Variants in NETO1 observed in about 807,000 individuals in gnomAD.
NETO1 encodes the protein neuropilin and tolloid like 1, also known as neuropilin and tolloid-like protein 1.
NETO1 carries 26 observed loss-of-function variants against 61.3 expected under a neutral mutation model. The ratio of observed to expected loss-of-function variants is 0.42; its 90% confidence interval spans 0.31 to 0.59. The LOEUF (loss-of-function observed/expected upper bound fraction) is 0.59. Among genes scored for constraint, NETO1 ranks in the 20% least tolerant of loss-of-function variants. The pLI, the probability that NETO1 is intolerant of heterozygous loss-of-function variation, is 0.12. For missense variants in NETO1, 531 were observed against 662.8 expected (o/e 0.80, Z 2.18); for synonymous variants, 225 against 225.8 (o/e 1.00, Z 0.03).
chr18:72,856,382 A>T (rs1404374377), intron 4 of NETO1, among the ~76,000 whole-genome samples: 3 of 152,166 alleles, frequency 2.0e-5, no homozygotes, highest in African/African-American at 4.8e-5. Context: ...AAATTTCAGG[A>T]ACTGTTTTTA....
chr18:72,853,701 G>A (rs1043001082), intron 4 of NETO1, among the ~76,000 whole-genome samples: 1 of 149,878 alleles, frequency 6.7e-6, no homozygotes, highest in Non-Finnish European at 1.5e-5. Flanking sequence ...AGGTTGCAGT[G>A]AGCCAAGATC....
intron 4 of NETO1, among the ~76,000 whole-genome samples, chr18:72,800,681 C>T (rs958358808): frequency 9.9e-5 from 15 of 152,134 alleles, no homozygotes; most frequent in Non-Finnish European, 1.9e-4. Flanking sequence ...TTGTCTTCCA[C>T]AAAACCGGTC....
chr18:72,821,559 CAAAA>C (rs11420100), intron 4 of NETO1, among the ~76,000 whole-genome samples: 2 of 87,236 alleles, frequency 2.3e-5, no homozygotes, highest in Admixed American at 1.4e-4. Context: ...GGGTGAAACT[CAAAA>C]AAAAAAAAAA....
At chr18:72,772,743 ATCT>A (rs1163488386) in intron 7 of NETO1, among the ~76,000 whole-genome samples, 119 of 65,760 alleles carry the variant, frequency 1.8e-3, no homozygotes, top group African/African-American at 6.8e-3. Flanking sequence ...ACACACACAC[ATCT>A]CTCTATATAT....
chr18:72,838,534 G>A (rs1396534798), intron 4 of NETO1, among the ~76,000 whole-genome samples: 3 of 152,202 alleles, frequency 2.0e-5, no homozygotes, highest in Non-Finnish European at 4.4e-5. Context: ...AGTGCTTCCT[G>A]CACACTTCTA....
intron 4 of NETO1, among the ~76,000 whole-genome samples, chr18:72,796,075 T>C (rs1252415418): frequency 6.6e-6 from 1 of 152,210 alleles, no homozygotes; most frequent in Admixed American, 6.5e-5. Context: ...AAGTTAGAAA[T>C]ATTTTATGAG....
intron 4 of NETO1, among the ~76,000 whole-genome samples, chr18:72,806,085 G>A (rs1194164402): frequency 6.6e-6 from 1 of 152,026 alleles, no homozygotes; most frequent in Admixed American, 6.6e-5. Context: ...TGGGTTGGTA[G>A]ACGACATTAC....
rs981974617 is a variant in NETO1 at position 72,832,125 on chromosome 18, T to C, written c.469+26701A>G. Among the ~76,000 whole-genome samples the C allele has an allele frequency of 9.9e-5, 15 of 152,196 alleles. No homozygotes were observed. In the East Asian group the frequency reaches 2.5e-3, roughly 25 times the overall value. ...AGTGCTTAGCACATTAGTAAATGAA[T>C]AATTGATAGATGAATTGGATGATAT... is the stretch of plus-strand genomic sequence containing the variant. On this transcript the variant is annotated intron_variant, in intron 4 of 10. Coordinates refer to ENST00000327305, the MANE Select transcript of NETO1 (RefSeq NM_138966.5).
At position 72,746,088 on chromosome 18, in the gene NETO1, T is replaced by A. The variant is rs1407342248; in HGVS notation, c.*2091A>T. 2 of 152,110 alleles carry A rather than the reference T, an allele frequency of 1.3e-5. No homozygotes were observed. Among genetic ancestry groups the A allele is most frequent in the Non-Finnish European group, 2.9e-5 (2 of 68,024 alleles). The allele number at this position is 152,110 out of a possible 1,614,324, so 9.4% of individuals were successfully genotyped here. On this transcript the variant is annotated 3_prime_UTR_variant, in exon 11 of 11. Transcript: ENST00000327305. ...AGCATTCTGTATATTCAGGAGAAAC[T>A]GGAGGGGACGGACATGCCGGACAGT...
intron 8 of NETO1, 147 bp downstream of exon 8, chr18:72,755,887 G>A (rs751114420): frequency 1.5e-4 from 74 of 502,598 alleles, no homozygotes; most frequent in Middle Eastern, 3.0e-4. Context: ...TAAGAAAAAC[G>A]CTTACAAATC....
intron 4 of NETO1, among the ~76,000 whole-genome samples, chr18:72,798,289 G>A (rs1214344203): frequency 6.6e-6 from 1 of 152,182 alleles, no homozygotes; most frequent in East Asian, 1.9e-4. Flanking sequence ...GTGCATGCGA[G>A]GGATCTAGGG....
chr18:72,787,859 T>C (rs905291609), intron 6 of NETO1, among the ~76,000 whole-genome samples: 15 of 152,024 alleles, frequency 9.9e-5, no homozygotes, highest in Admixed American at 3.9e-4. Context: ...GTTATATTCT[T>C]AAAGAAAACA....
In NETO1 at chr18:72,867,424, A is replaced by G. The variant is rs2074775326; in HGVS notation, c.-133T>C. The G allele has an allele frequency of 1.8e-6, 1 of 544,160 alleles. No individual in the cohort carries two copies. Among genetic ancestry groups the G allele is most frequent in the Non-Finnish European group, 3.0e-6 (1 of 328,412 alleles). The allele number at this position is 544,160 out of a possible 1,614,324, so 33.7% of individuals were successfully genotyped here. On this transcript the variant is annotated 5_prime_UTR_variant, in exon 1 of 11. Transcript: ENST00000327305. ...GCAAGAAGGAAATAAAGGGGGGCCGAGAGGGAGACCGAGAGGAAGGGGGAG... is the reference window on the plus strand; with the variant it reads ...GCAAGAAGGAAATAAAGGGGGGCCGGGAGGGAGACCGAGAGGAAGGGGGAG...
At chr18:72,800,553 AGTT>A (rs1218617328) in intron 4 of NETO1, among the ~76,000 whole-genome samples, 1 of 152,168 alleles carries the variant, frequency 6.6e-6, no homozygotes, top group East Asian at 1.9e-4. Flanking sequence ...CATTATGGTG[AGTT>A]GTATAATTAT....
rs2070558817 is a variant in NETO1, at chr18:72,750,420, A to G, written c.1183T>C (p.Leu395=). ...QEVFEPPHYE[L]CTLRGTGATA... ...GCTCCTGTCCCTCTGAGAGTGCATA[A>G]CTCATAATGAGGAGGTTCAAATACC... Residue 395 remains leucine, a synonymous_variant, in exon 9 of 11, where the codon TTA becomes CTA. Transcript: ENST00000327305. The G allele has an allele frequency of 6.2e-7, 1 of 1,614,062 alleles. No individual in the cohort carries two copies.
intron 4 of NETO1, among the ~76,000 whole-genome samples, chr18:72,806,784 C>T (rs1335326688): frequency 1.3e-5 from 2 of 152,294 alleles, no homozygotes; most frequent in East Asian, 1.9e-4. Flanking sequence ...GATCCATAAT[C>T]AATCTTCACA....
rs2073687298 is a variant in NETO1 at position 72,834,709 on chromosome 18, C to A, written c.469+24117G>T. On this transcript the variant is annotated intron_variant, in intron 4 of 10. Transcript: ENST00000327305. ...CTCGGAATGGGCGAATAATAATACG[C>A]TCTCTTCAGCTTTTACTGTTTGATT... 6 of 985,042 alleles carry A rather than the reference C, an allele frequency of 6.1e-6. No homozygotes were observed. In the South Asian group the frequency reaches 2.8e-4, roughly 46 times the overall value. 61.0% of individuals were successfully genotyped at this position (985,042 alleles called of 1,614,324 possible).
At chr18:72,790,061 T>C (rs2072061935) in intron 6 of NETO1, among the ~76,000 whole-genome samples, 1 of 152,216 alleles carries the variant, frequency 6.6e-6, no homozygotes, top group African/African-American at 2.4e-5. Context: ...TGACTGAAAG[T>C]ATTTTTGAAT....
rs1183619940 is a variant in NETO1 at position 72,867,365 on chromosome 18, G to A, written c.-74C>T. The A allele has an allele frequency of 2.3e-6, 3 of 1,312,010 alleles. No individual in the cohort carries two copies. Among genetic ancestry groups the A allele is most frequent in the East Asian group, 2.7e-5 (1 of 36,444 alleles). 81.3% of individuals were successfully genotyped at this position (1,312,010 alleles called of 1,614,324 possible). Reference sequence around the variant, plus strand: ...GACGGGAAGACTTCCAGTGGCGGGGGGAGGACAGGGTCGAGAGGTGTTAAA... The same window carrying A: ...GACGGGAAGACTTCCAGTGGCGGGGAGAGGACAGGGTCGAGAGGTGTTAAA... On this transcript the variant is annotated 5_prime_UTR_variant, in exon 1 of 11. Transcript: ENST00000327305.
Sources: gnomAD v4.1 joint callset for allele counts (sites outside exome capture counted in the v4.1 genomes callset) on GRCh38, gnomAD v4.1.1 for gene constraint, MANE v1.5 for transcripts, NCBI Gene and HGNC (gene_info 2026-07-23, HGNC 2026-07-21) for gene names.